Variants in CISD1 observed in about 807,000 individuals in gnomAD.
CISD1 encodes the protein CDGSH iron sulfur domain 1.
CISD1 carries 8 observed loss-of-function variants against 12.0 expected under a neutral mutation model. The ratio of observed to expected loss-of-function variants is 0.67; its 90% CI spans 0.39 to 1.20. The LOEUF is 1.20. Among genes scored for constraint, CISD1 ranks in the 50% most tolerant of loss-of-function variants. CISD1 has a pLI of 0.01. For missense variants in CISD1, 107 were observed against 132.7 expected (o/e 0.81, Z 0.95); for synonymous variants, 38 against 42.2 (o/e 0.90, Z 0.39).
chr10:58,278,917 T>C (rs922106715), intron 2 of CISD1, among the ~76,000 whole-genome samples: 9 of 152,204 alleles, frequency 5.9e-5, no homozygotes, highest in African/African-American at 2.2e-4. Context: ...CAGCTGCTGA[T>C]GTAGGTATTC....
Position 58,279,125 on chromosome 10 carries a change from A to T in CISD1, c.237+1803A>T, listed in dbSNP as rs1890659. On this transcript the variant is annotated intron_variant, in intron 2 of 2. Transcript: ENST00000333926. ...CACAGATAGTCCACATGTGTGACTA[A>T]GATGGTGACACCTTTGCTTTCTGAT... is the stretch of plus-strand genomic sequence containing the variant. 0.025 allele frequency among the ~76,000 whole-genome samples: 3,850 copies of T among 152,336 alleles called. 290 individuals are homozygous for T. The East Asian group carries it at 0.31, about 12-fold the overall frequency.
chr10:58,282,197 A>G lies in CISD1; in HGVS notation c.237+4875A>G, dbSNP rs373802263. Among the ~76,000 whole-genome samples, 21 of 152,162 alleles carry G rather than the reference A, an allele frequency of 1.4e-4. No individual in the cohort carries two copies. The South Asian group carries it at 3.9e-3, about 29-fold the overall frequency. On this transcript the variant is annotated intron_variant, in intron 2 of 2. Transcript: ENST00000333926. The stretch of plus-strand genomic sequence containing the variant: ...GGCTGATCTTGAACTCCTGACCTCA[A>G]GTGATCCACCCGCCTTGGCCTCCCA...
intron 2 of CISD1, among the ~76,000 whole-genome samples, chr10:58,283,897 G>A (rs1839399736): frequency 6.6e-6 from 1 of 152,070 alleles, no homozygotes. Context: ...ATAAACAAAC[G>A]CTGACATCTT....
At chr10:58,274,869 A>T (rs1189596729) in intron 1 of CISD1, among the ~76,000 whole-genome samples, 1 of 152,214 alleles carries the variant, frequency 6.6e-6, no homozygotes, top group Non-Finnish European at 1.5e-5. Context: ...AGAAAAAAGA[A>T]TGCAAGAAGA....
chr10:58,279,161 AT>A (rs1374919727), intron 2 of CISD1, among the ~76,000 whole-genome samples: 4 of 152,220 alleles, frequency 2.6e-5, no homozygotes, highest in Admixed American at 2.6e-4. Flanking sequence ...GGTTCCTTGT[AT>A]ACAAACTGTT....
At chr10:58,283,198 T>C (rs1839392007) in intron 2 of CISD1, 1 of 152,116 alleles carries the variant, frequency 6.6e-6, no homozygotes, top group South Asian at 2.1e-4. Flanking sequence ...ATCCTGTTAA[T>C]GGCTTAGAAG....
intron 2 of CISD1, among the ~76,000 whole-genome samples, chr10:58,286,408 A>C (rs1040873638): frequency 8.5e-5 from 13 of 152,218 alleles, no homozygotes; most frequent in African/African-American, 3.1e-4. Flanking sequence ...AGCCTCCAGT[A>C]ATGCTGAAGC....
In CISD1 at chr10:58,287,544, A is replaced by G; in HGVS notation, c.238-17A>G. 2 of 1,577,516 alleles carry G rather than the reference A, an allele frequency of 1.3e-6. No homozygotes were observed. Among genetic ancestry groups the G allele is most frequent in the Non-Finnish European group, 1.7e-6 (2 of 1,152,504 alleles). On this transcript the variant is annotated splice_polypyrimidine_tract_variant and intron_variant, in intron 2 of 2. Coordinates refer to ENST00000333926, the MANE Select transcript of CISD1 (RefSeq NM_018464.5). ...TTTTGAGATTAGATGTTTCACATTC[A>G]TTCTTTCTCTTCCTAGTTCCCATTC...
chr10:58,275,714 C>T (rs558507730), intron 1 of CISD1, among the ~76,000 whole-genome samples: 1 of 152,134 alleles, frequency 6.6e-6, no homozygotes, highest in East Asian at 1.9e-4. Context: ...TGAGGATAAA[C>T]CGGAAGAGGC....
At chr10:58,279,957 C>T (rs1839355913) in intron 2 of CISD1, among the ~76,000 whole-genome samples, 1 of 152,088 alleles carries the variant, frequency 6.6e-6, no homozygotes, top group Non-Finnish European at 1.5e-5. Flanking sequence ...CATGGTGAGA[C>T]CCAGTCTCTG....
intron 2 of CISD1, among the ~76,000 whole-genome samples, chr10:58,286,738 A>G (rs1839434129): frequency 6.6e-6 from 1 of 152,166 alleles, no homozygotes; most frequent in Admixed American, 6.5e-5. Context: ...TATATCTAAA[A>G]TGTGAATTCA....
intron 1 of CISD1, among the ~76,000 whole-genome samples, chr10:58,276,721 G>A (rs1839318507): frequency 6.8e-6 from 1 of 146,878 alleles, no homozygotes; most frequent in South Asian, 2.1e-4. Context: ...AATGTTATTT[G>A]TAATCTGAAT....
rs560892775 is a variant in CISD1 at position 58,269,361 on chromosome 10, G to A, written c.31+57G>A. ...GTGAGGCTCAGCGGTTGCCGCGCCC[G>A]CAGTTCGACTGGGTTGTTTTACCAC... On this transcript the variant is annotated intron_variant, in intron 1 of 2. Transcript: ENST00000333926. The A allele has an allele frequency of 5.5e-4, 830 of 1,522,770 alleles. 10 individuals carry two copies. In the South Asian group the frequency reaches 8.7e-3, roughly 16 times the overall value. 94.3% of individuals were successfully genotyped at this position (1,522,770 alleles called of 1,614,324 possible).
At chr10:58,276,699 TTAACA>T (rs1469357224) in intron 1 of CISD1, among the ~76,000 whole-genome samples, 6 of 151,350 alleles carry the variant, frequency 4.0e-5, no homozygotes, top group Non-Finnish European at 8.8e-5. Flanking sequence ...AGTCATTTTG[TTAACA>T]TAACAAAATG....
chr10:58,272,225 TAAAAA>T (rs11435069), intron 1 of CISD1, among the ~76,000 whole-genome samples: 106 of 140,646 alleles, frequency 7.5e-4, no homozygotes, highest in Admixed American at 9.9e-4. Context: ...CCCTCATCTT[TAAAAA>T]AAAAAAAAAG....
At chr10:58,271,388 T>C (rs1363342747) in intron 1 of CISD1, among the ~76,000 whole-genome samples, 1 of 152,162 alleles carries the variant, frequency 6.6e-6, no homozygotes, top group Non-Finnish European at 1.5e-5. Context: ...ATGAGGACTG[T>C]AGGGAGAGGC....
intron 2 of CISD1, among the ~76,000 whole-genome samples, chr10:58,286,064 G>GC (rs1175095378): frequency 6.6e-6 from 1 of 151,926 alleles, no homozygotes; most frequent in African/African-American, 2.4e-5. Flanking sequence ...AATTAGCCGG[G>GC]CGTAGTGGCG....
At chr10:58,286,315 C>T (rs796861016) in intron 2 of CISD1, among the ~76,000 whole-genome samples, 49 of 151,958 alleles carry the variant, frequency 3.2e-4, no homozygotes, top group African/African-American at 1.1e-3. Flanking sequence ...ATCAACGTAA[C>T]ATAGAACCTA....
chr10:58,274,571 CA>C (rs1028118281), intron 1 of CISD1, among the ~76,000 whole-genome samples: 10 of 144,678 alleles, frequency 6.9e-5, no homozygotes, highest in African/African-American at 2.6e-4. Context: ...GACCTTAGAG[CA>C]AATACAAAGC....
Sources: allele counts gnomAD v4.1 joint callset (sites outside exome capture counted in the v4.1 genomes callset), GRCh38; gene constraint gnomAD v4.1.1; transcripts MANE v1.5; gene names NCBI Gene and HGNC (gene_info 2026-07-23, HGNC 2026-07-21).